The following DLGAP2 variants were observed in gnomAD, a reference collection of about 807,000 sequenced individuals.
The protein encoded by DLGAP2 is disks large-associated protein 2.
DLGAP2 carries 26 observed loss-of-function variants against 100.3 expected under a neutral mutation model. The observed-to-expected ratio is 0.26, with a 90% CI of 0.19 to 0.36. The LOEUF (loss-of-function observed/expected upper bound fraction) is 0.36, where lower values mean the gene tolerates loss of function less well. Ranked by LOEUF, DLGAP2 falls within the 10% of genes least tolerant of loss-of-function variation. The pLI is 1.00. For missense variants in DLGAP2, 1,858 were observed against 1,453.2 expected (o/e 1.28, Z -4.53); for synonymous variants, 886 against 630.1 (o/e 1.41, Z -6.08).
At chr8:1,329,426 G>T (rs556357524) in intron 3 of DLGAP2, among the ~76,000 whole-genome samples, 11 of 152,224 alleles carry the variant, frequency 7.2e-5, no homozygotes, top group African/African-American at 2.4e-4. Context: ...TTTTTCGAAG[G>T]TCATTTTAGA....
intron 3 of DLGAP2, among the ~76,000 whole-genome samples, chr8:1,319,380 G>A (rs538374779): frequency 1.3e-5 from 2 of 152,160 alleles, no homozygotes; most frequent in East Asian, 1.9e-4. Context: ...GAGAGGCCAC[G>A]TGTGGAAACC....
chr8:1,581,701 GCAGT>G (rs1803268368), intron 6 of DLGAP2, among the ~76,000 whole-genome samples: 1 of 123,088 alleles, frequency 8.1e-6, no homozygotes, highest in South Asian at 2.8e-4. Flanking sequence ...TATACACACC[GCAGT>G]CAAACTACCA....
At chr8:1,263,831 A>G (rs1799399178) in intron 3 of DLGAP2, among the ~76,000 whole-genome samples, 1 of 152,184 alleles carries the variant, frequency 6.6e-6, no homozygotes, top group South Asian at 2.1e-4. Context: ...CTGAGACCAC[A>G]GCTCTTTAAT....
intron 2 of DLGAP2, among the ~76,000 whole-genome samples, chr8:953,988 T>C (rs1443571935): frequency 1.3e-5 from 2 of 152,236 alleles, no homozygotes; most frequent in Non-Finnish European, 2.9e-5. Flanking sequence ...CCACTGGTGC[T>C]GGCTGTGTTG....
chr8:886,103 C>G (rs1797916520), intron 1 of DLGAP2, among the ~76,000 whole-genome samples: 1 of 152,134 alleles, frequency 6.6e-6, no homozygotes, highest in Non-Finnish European at 1.5e-5. Flanking sequence ...TTCAGGGATT[C>G]AATTTCTCCC....
At chr8:1,455,564 C>T (rs1027559170) in intron 3 of DLGAP2, among the ~76,000 whole-genome samples, 2 of 152,228 alleles carry the variant, frequency 1.3e-5, no homozygotes, top group African/African-American at 2.4e-5. Context: ...TTGCCAGGAC[C>T]TTTTGCTTTT....
At chr8:781,156 T>G (rs1821676332) in intron 1 of DLGAP2, among the ~76,000 whole-genome samples, 1 of 152,198 alleles carries the variant, frequency 6.6e-6, no homozygotes, top group African/African-American at 2.4e-5. Flanking sequence ...TTTGTAGTCT[T>G]TTTTTGTATT....
At chr8:962,679 G>A (rs999327478) in intron 2 of DLGAP2, among the ~76,000 whole-genome samples, 2 of 152,066 alleles carry the variant, frequency 1.3e-5, no homozygotes, top group East Asian at 1.9e-4. Context: ...CGGCAACAAC[G>A]ACATCAGATG....
At chr8:901,177 C>T (rs994729877) in intron 1 of DLGAP2, among the ~76,000 whole-genome samples, 22 of 152,174 alleles carry the variant, frequency 1.4e-4, no homozygotes, top group Non-Finnish European at 2.8e-4. Flanking sequence ...GTCCCAGCTA[C>T]TCAGGAGGCT....
chr8:1,121,758 GAACCCATGACCACCCATCCTTGTCTCCTT>G (rs1796055268), intron 2 of DLGAP2, among the ~76,000 whole-genome samples: 1 of 151,578 alleles, frequency 6.6e-6, no homozygotes, highest in Non-Finnish European at 1.5e-5. Context: ...CATCTTTCCT[GAACCCATGACCACCCATCCTTGTCTCCTT>G]AGAACCCGTG....
intron 1 of DLGAP2, among the ~76,000 whole-genome samples, chr8:791,383 C>A (rs1822022472): frequency 6.6e-6 from 1 of 152,110 alleles, no homozygotes; most frequent in Non-Finnish European, 1.5e-5. Flanking sequence ...CAGGAGAAAA[C>A]AATTTAAACA....
intron 1 of DLGAP2, among the ~76,000 whole-genome samples, chr8:786,388 A>T: frequency 6.6e-6 from 1 of 152,072 alleles, no homozygotes; most frequent in East Asian, 1.9e-4. Context: ...TCTTCCGGGG[A>T]CAGCCACCAT....
At chr8:1,409,521 G>C (rs7015368) in intron 3 of DLGAP2, among the ~76,000 whole-genome samples, 37,056 of 152,224 alleles carry the variant, frequency 0.24, 5,691 homozygotes, top group South Asian at 0.34. Context: ...TGACGAACGT[G>C]CTCAGAACCC....
intron 2 of DLGAP2, among the ~76,000 whole-genome samples, chr8:908,520 G>A (rs1798424063): frequency 1.3e-5 from 2 of 152,118 alleles, no homozygotes; most frequent in Non-Finnish European, 2.9e-5. Flanking sequence ...TGTGGCTGGT[G>A]GTTGTGAGGA....
chr8:1,379,931 C>T (rs572767014), intron 3 of DLGAP2, among the ~76,000 whole-genome samples: 3 of 142,876 alleles, frequency 2.1e-5, no homozygotes, highest in African/African-American at 7.6e-5. Context: ...TTTGGGGTGC[C>T]CTCCCTTCCC....
chr8:1,048,416 A>G (rs576823712), intron 2 of DLGAP2, among the ~76,000 whole-genome samples: 8 of 152,242 alleles, frequency 5.3e-5, no homozygotes, highest in African/African-American at 1.9e-4. Context: ...TGCTGATTCT[A>G]AAACCTGCCA....
At chr8:1,253,995 G>A (rs181818318) in intron 2 of DLGAP2, among the ~76,000 whole-genome samples, 32 of 152,330 alleles carry the variant, frequency 2.1e-4, no homozygotes, top group East Asian at 1.7e-3. Flanking sequence ...TTTGGTTCGC[G>A]TTGGACGAGA....
At chr8:1,276,652 TCC>T (rs1272875707) in intron 3 of DLGAP2, among the ~76,000 whole-genome samples, 4 of 150,758 alleles carry the variant, frequency 2.7e-5, no homozygotes, top group African/African-American at 9.7e-5. Context: ...CCAGCACACG[TCC>T]CCAGACTCCT....
intron 3 of DLGAP2, among the ~76,000 whole-genome samples, chr8:1,291,416 G>C (rs1233562812): frequency 6.6e-6 from 1 of 152,168 alleles, no homozygotes; most frequent in Non-Finnish European, 1.5e-5. Context: ...ACATGTGAGA[G>C]TGAATTACTG....
Sources: allele counts gnomAD v4.1 joint callset (sites outside exome capture counted in the v4.1 genomes callset), GRCh38; gene constraint gnomAD v4.1.1; transcripts MANE v1.5; gene names NCBI Gene and HGNC (gene_info 2026-07-23, HGNC 2026-07-21).